MBD5: variants seen among roughly 807,000 people sequenced by gnomAD.
MBD5 encodes methyl-CpG-binding domain protein 5.
In MBD5, 13 loss-of-function variants were observed where a neutral mutation model predicts 117.3. That is an observed-to-expected ratio of 0.11 (90% CI 0.07 to 0.18). MBD5 has a LOEUF of 0.18. Among genes scored for constraint, MBD5 ranks in the 10% least tolerant of loss-of-function variants. The probability of loss-of-function intolerance (pLI) is 1.00; values close to 1 mark genes in which losing one functional copy is unlikely to be tolerated. For missense variants in MBD5, 1,879 were observed against 2,093.8 expected, an observed-to-expected ratio of 0.90 and a Z score of 2.00; for synonymous variants, 727 against 766.4, an observed-to-expected ratio of 0.95 and a Z score of 0.85.
chr2:148,321,208 C>T lies in MBD5; in HGVS notation c.-679-21006C>T, dbSNP rs77795002. On this transcript the variant is annotated intron_variant, in intron 3 of 13. Coordinates refer to ENST00000642680, the MANE Select transcript of MBD5 (RefSeq NM_001378120.1). ...TACATTATTCCAAATTATTATAGAC[C>T]AAGGGTGTCCAATCTCTTTGGCTTC... Among the ~76,000 whole-genome samples, 585 of 151,910 alleles carry T rather than the reference C, an allele frequency of 3.9e-3. 23 individuals carry two copies. In the East Asian group the frequency reaches 0.1, roughly 26 times the overall value.
intron 4 of MBD5, among the ~76,000 whole-genome samples, chr2:148,386,883 T>G (rs1012967933): frequency 3.9e-5 from 6 of 152,070 alleles, no homozygotes; most frequent in Non-Finnish European, 5.9e-5. Context: ...GCTAAAATGG[T>G]CCTGTAAATA....
chr2:148,469,752 C>T lies in MBD5; in HGVS notation c.1809C>T (p.Ser603=), dbSNP rs775686477. ...CTGGTAACAACAGTAGCAGCAGTAGCAATTCTGGAGCTGTTGCCGGCAGTG... is the reference window on the plus strand; with the variant it reads ...CTGGTAACAACAGTAGCAGCAGTAGTAATTCTGGAGCTGTTGCCGGCAGTG... ...KLAGNNSSSS[S]NSGAVAGSGN... The change falls in exon 8 of 14, where the codon AGC becomes AGT. Residue 603 remains serine (S), a synonymous_variant. Coordinates refer to ENST00000642680, the MANE Select transcript of MBD5 (RefSeq NM_001378120.1). 1.2e-6 allele frequency: 2 copies of T among 1,613,940 alleles called. No individual in the cohort carries two copies. The highest frequency in any genetic ancestry group is 2.2e-5 in the South Asian group (2 of 91,082).
chr2:148,083,903 GGCATGAGCCACT>G (rs1434836254), intron 1 of MBD5, among the ~76,000 whole-genome samples: 1 of 152,138 alleles, frequency 6.6e-6, no homozygotes, highest in African/African-American at 2.4e-5. Flanking sequence ...TGGGATTACA[GGCATGAGCCACT>G]GCACCTGGCT....
chr2:148,124,445 G>A (rs1696842427), intron 1 of MBD5, among the ~76,000 whole-genome samples: 1 of 152,070 alleles, frequency 6.6e-6, no homozygotes, highest in African/African-American at 2.4e-5. Context: ...GGGCATGGTA[G>A]CACATGCCTG....
intron 4 of MBD5, among the ~76,000 whole-genome samples, chr2:148,376,352 C>G (rs527471750): frequency 2.0e-5 from 3 of 148,914 alleles, no homozygotes; most frequent in Non-Finnish European, 4.4e-5. Flanking sequence ...ACTGCAAGTT[C>G]CGCCTCCTGG....
intron 4 of MBD5, among the ~76,000 whole-genome samples, chr2:148,363,700 C>A (rs1316827174): frequency 6.6e-6 from 1 of 152,000 alleles, no homozygotes; most frequent in African/African-American, 2.4e-5. Flanking sequence ...ATGAAGCATA[C>A]ACAAGTATCA....
chr2:148,142,521 C>G (rs1558943297), intron 1 of MBD5, among the ~76,000 whole-genome samples: 1 of 152,142 alleles, frequency 6.6e-6, no homozygotes, highest in South Asian at 2.1e-4. Flanking sequence ...AGAGAGAATA[C>G]TACCCTCACA....
chr2:148,282,338 A>G (rs1701266748), intron 3 of MBD5, among the ~76,000 whole-genome samples: 1 of 152,138 alleles, frequency 6.6e-6, no homozygotes, highest in South Asian at 2.1e-4. Context: ...AAACAAGAAT[A>G]AGAATACCAA....
At chr2:148,205,323 C>G (rs185889810) in intron 2 of MBD5, among the ~76,000 whole-genome samples, 169 of 152,280 alleles carry the variant, frequency 1.1e-3, no homozygotes, top group African/African-American at 3.7e-3. Flanking sequence ...CTCCTGACCT[C>G]AGGTGATCCG....
chr2:148,335,304 C>T (rs1340725588), intron 3 of MBD5, among the ~76,000 whole-genome samples: 1 of 152,096 alleles, frequency 6.6e-6, no homozygotes. Flanking sequence ...TGGCTTGAGC[C>T]TGGGAGGCAG....
intron 3 of MBD5, among the ~76,000 whole-genome samples, chr2:148,238,649 G>C (rs577441433): frequency 6.6e-6 from 1 of 152,276 alleles, no homozygotes; most frequent in African/African-American, 2.4e-5. Context: ...CTGGAGGCTA[G>C]AAGTCCAAAA....
chr2:148,303,519 C>T (rs1208963832), intron 3 of MBD5, among the ~76,000 whole-genome samples: 1 of 152,042 alleles, frequency 6.6e-6, no homozygotes, highest in Non-Finnish European at 1.5e-5. Flanking sequence ...CTGTTGTTGA[C>T]CTTATCTGTC....
rs1680742184 is a variant in MBD5, at chr2:148,470,058, A to G, written c.2115A>G (p.Leu705=). 1 of 1,613,896 alleles carries G rather than the reference A, an allele frequency of 6.2e-7. No individual in the cohort carries two copies. Among genetic ancestry groups the G allele is most frequent in the East Asian group, 2.2e-5 (1 of 44,866 alleles). Residue 705 remains leucine, a synonymous_variant, in exon 8 of 14, where the codon CTA becomes CTG. Coordinates refer to ENST00000642680, the MANE Select transcript of MBD5 (RefSeq NM_001378120.1). Reference sequence around the variant, plus strand: ...CCATCAGTTCAATGTCTCAGTTACTACAGTCTATGAGTTGTCAAAGCTCTC... The same window carrying G: ...CCATCAGTTCAATGTCTCAGTTACTGCAGTCTATGAGTTGTCAAAGCTCTC... ...SFPISSMSQL[L]QSMSCQSSHL... is the part of the protein sequence containing the mutation.
intron 3 of MBD5, among the ~76,000 whole-genome samples, chr2:148,326,483 A>G (rs1702455993): frequency 6.6e-6 from 1 of 152,114 alleles, no homozygotes; most frequent in Non-Finnish European, 1.5e-5. Context: ...GTCTCTTTGT[A>G]GGTCACTCAG....
chr2:148,223,100 A>G (rs888753209), intron 2 of MBD5, among the ~76,000 whole-genome samples: 4 of 152,162 alleles, frequency 2.6e-5, no homozygotes, highest in Non-Finnish European at 5.9e-5. Flanking sequence ...CCATCCTTGC[A>G]TCCCAGGGAT....
At chr2:148,425,896 A>G (rs1705765412) in intron 4 of MBD5, among the ~76,000 whole-genome samples, 1 of 152,226 alleles carries the variant, frequency 6.6e-6, no homozygotes, top group Non-Finnish European at 1.5e-5. Context: ...TCAAAATAAT[A>G]AGAGCTATGT....
chr2:148,313,441 T>C (rs1299693526), intron 3 of MBD5, among the ~76,000 whole-genome samples: 1 of 152,178 alleles, frequency 6.6e-6, no homozygotes, highest in Non-Finnish European at 1.5e-5. Context: ...CAGGCAGCTT[T>C]GTTTACACTG....
Position 148,021,630 on chromosome 2 carries a change from T to G in MBD5, c.-979T>G. 1 of 444,104 alleles carries G rather than the reference T, an allele frequency of 2.3e-6. No homozygotes were observed. Among genetic ancestry groups the G allele is most frequent in the Non-Finnish European group, 4.5e-6 (1 of 224,630 alleles). The allele number at this position is 444,104 out of a possible 1,614,324, so 27.5% of individuals were successfully genotyped here. A position where few individuals can be genotyped will look rare whatever the true frequency, so the allele number is the denominator to read the frequency against. On this transcript the variant is annotated 5_prime_UTR_variant, in exon 1 of 14. Coordinates refer to ENST00000642680, the MANE Select transcript of MBD5 (RefSeq NM_001378120.1). ...CTCCACTCCCCCCCTTTATTACCCT[T>G]TGTGTCATCCTCCACAGCTCCAGGG...
chr2:148,373,210 C>G (rs941207023), intron 4 of MBD5, among the ~76,000 whole-genome samples: 1 of 152,012 alleles, frequency 6.6e-6, no homozygotes, highest in African/African-American at 2.4e-5. Flanking sequence ...ATATTCAAAG[C>G]TTTCAGAGAA....
Sources: gnomAD v4.1 joint callset for allele counts (sites outside exome capture counted in the v4.1 genomes callset) on GRCh38, gnomAD v4.1.1 for gene constraint, MANE v1.5 for transcripts, NCBI Gene and HGNC (gene_info 2026-07-23, HGNC 2026-07-21) for gene names.